Variants in UNC79 observed in about 807,000 individuals in gnomAD.
UNC79 encodes unc-79 subunit of NALCN channel complex.
A neutral mutation model predicts 283.1 loss-of-function variants in UNC79; 37 were observed. That is an observed-to-expected ratio of 0.13 (90% CI 0.10 to 0.17). The LOEUF (loss-of-function observed/expected upper bound fraction) is 0.17. UNC79 is among the 10% of genes least tolerant of loss of function. The pLI, the probability that UNC79 is intolerant of heterozygous loss-of-function variation, is 1.00. For missense variants in UNC79, 2,272 were observed against 3,211.1 expected (o/e 0.71, Z 7.07); for synonymous variants, 1,107 against 1,200.2 (o/e 0.92, Z 1.61).
intron 1 of UNC79, among the ~76,000 whole-genome samples, chr14:93,463,572 G>A (rs894316930): frequency 3.9e-5 from 6 of 152,158 alleles, no homozygotes; most frequent in Non-Finnish European, 7.3e-5. Flanking sequence ...TGGATGGAGA[G>A]CCCCAGTGAA....
At chr14:93,435,431 A>G (rs2056049312) in intron 1 of UNC79, among the ~76,000 whole-genome samples, 1 of 152,016 alleles carries the variant, frequency 6.6e-6, no homozygotes, top group Non-Finnish European at 1.5e-5. Flanking sequence ...TTCGCACAGG[A>G]ATCTGTCATT....
At chr14:93,489,051 C>T (rs2058596456) in intron 5 of UNC79, among the ~76,000 whole-genome samples, 1 of 152,208 alleles carries the variant, frequency 6.6e-6, no homozygotes, top group Non-Finnish European at 1.5e-5. Flanking sequence ...AAGCGATTCT[C>T]CTTCCTCAGC....
intron 1 of UNC79, among the ~76,000 whole-genome samples, chr14:93,416,080 T>C (rs1441751173): frequency 2.0e-5 from 3 of 147,568 alleles, no homozygotes; most frequent in Non-Finnish European, 4.5e-5. Context: ...ATGTGTTTGC[T>C]CTTGCTTTTC....
At chr14:93,388,197 G>A (rs2054816444) in intron 1 of UNC79, among the ~76,000 whole-genome samples, 1 of 151,984 alleles carries the variant, frequency 6.6e-6, no homozygotes, top group African/African-American at 2.4e-5. Context: ...TTACAGCCTG[G>A]AACTCTTGGG....
chr14:93,460,967 A>G (rs765339618), intron 1 of UNC79, among the ~76,000 whole-genome samples: 22 of 152,364 alleles, frequency 1.4e-4, no homozygotes, highest in Admixed American at 3.3e-4. Flanking sequence ...GGTAAAGTAA[A>G]TTACGATTCT....
chr14:93,496,736 AATTTT>A (rs2059032126), intron 6 of UNC79, among the ~76,000 whole-genome samples: 2 of 152,180 alleles, frequency 1.3e-5, no homozygotes, highest in African/African-American at 2.4e-5. Flanking sequence ...TATGACAAAC[AATTTT>A]ATTTAATTTG....
chr14:93,445,695 T>C (rs2056439739), intron 1 of UNC79, among the ~76,000 whole-genome samples: 1 of 152,188 alleles, frequency 6.6e-6, no homozygotes, highest in African/African-American at 2.4e-5. Flanking sequence ...AACGATTCCT[T>C]GATTTTTTGA....
At position 93,474,199 on chromosome 14, in the gene UNC79, C is replaced by T. The variant is rs1253177080; in HGVS notation, c.254C>T (p.Pro85Leu). Residue 85 changes from proline (P) to leucine (L), a missense_variant, in exon 3 of 49, where the codon CCG becomes CTG. By Grantham distance (98) the Pro-to-Leu change is moderately conservative (BLOSUM62 -3). Transcript: ENST00000555664. This position sits in a 1 kb window ranked among gnomAD's most constrained non-coding sequence, Gnocchi z 4.1. ...TTCCCACTCACCCCATCTCTAAGAC[C>T]GCAGGTCAGTTCCATCAACCCTACT... The T allele has an allele frequency of 5.2e-6, 8 of 1,535,948 alleles. No homozygotes were observed. The highest frequency in any genetic ancestry group is 4.9e-5 in the East Asian group (2 of 40,928).
chr14:93,348,162 T>C (rs1003634299), intron 1 of UNC79: 10 of 1,271,412 alleles, frequency 7.9e-6, no homozygotes, highest in South Asian at 6.1e-5. Context: ...CCAAAAAACT[T>C]TCAGAAAAAG....
At chr14:93,495,065 C>T (rs549909159) in intron 5 of UNC79, among the ~76,000 whole-genome samples, 2 of 152,196 alleles carry the variant, frequency 1.3e-5, no homozygotes, top group African/African-American at 2.4e-5. Context: ...CAGATTTTCT[C>T]TTCATTCTTA....
intron 30 of UNC79, among the ~76,000 whole-genome samples, chr14:93,626,486 GC>G (rs2067579667): frequency 6.6e-6 from 1 of 151,858 alleles, no homozygotes; most frequent in South Asian, 2.1e-4. Flanking sequence ...CTTGATTTGA[GC>G]CTGCAAACAT....
intron 5 of UNC79, among the ~76,000 whole-genome samples, chr14:93,493,112 G>T (rs1236219679): frequency 6.6e-6 from 1 of 152,202 alleles, no homozygotes; most frequent in African/African-American, 2.4e-5. Flanking sequence ...TTTTATTGAG[G>T]AAGTCAGGAG....
chr14:93,578,069 T>G lies in UNC79; in HGVS notation c.2433+6T>G. On this transcript the variant is annotated splice_donor_region_variant and intron_variant, in intron 18 of 48. Coordinates refer to ENST00000555664, the Ensembl canonical transcript of UNC79. Reference sequence around the variant, plus strand: ...TTGATCTTCTCCTGAAGCAGGTAGCTGAAGCATGAGCTTCCTTTAGTTCAG... The same window carrying G: ...TTGATCTTCTCCTGAAGCAGGTAGCGGAAGCATGAGCTTCCTTTAGTTCAG... 6.2e-7 allele frequency: 1 copy of G among 1,613,638 alleles called. No homozygotes were observed. Among genetic ancestry groups the G allele is most frequent in the Non-Finnish European group, 8.5e-7 (1 of 1,179,682 alleles).
At chr14:93,550,931 A>C (rs951408261) in intron 14 of UNC79, among the ~76,000 whole-genome samples, 3 of 152,198 alleles carry the variant, frequency 2.0e-5, no homozygotes, top group African/African-American at 7.2e-5. Flanking sequence ...ATAAGGCTTT[A>C]TTTTCAGGAC....
At chr14:93,392,891 G>T (rs1259689034) in intron 1 of UNC79, among the ~76,000 whole-genome samples, 1 of 152,214 alleles carries the variant, frequency 6.6e-6, no homozygotes, top group African/African-American at 2.4e-5. Context: ...TAGACCTCAG[G>T]ATTGATATAT....
At chr14:93,616,599 G>A (rs1275285352) in intron 27 of UNC79, among the ~76,000 whole-genome samples, 2 of 152,022 alleles carry the variant, frequency 1.3e-5, no homozygotes, top group Non-Finnish European at 2.9e-5. Flanking sequence ...TTGGGCTCAA[G>A]CAATCTATCT....
intron 7 of UNC79, among the ~76,000 whole-genome samples, chr14:93,506,285 C>T (rs1251500814): frequency 4.0e-5 from 6 of 151,234 alleles, no homozygotes; most frequent in African/African-American, 1.2e-4. Context: ...TGCAATGGCA[C>T]GATCTCAGCT....
chr14:93,671,531 CGGAGGCCGAGGCAGGT>C (rs1343328948), intron 40 of UNC79, among the ~76,000 whole-genome samples: 7 of 152,080 alleles, frequency 4.6e-5, no homozygotes, highest in African/African-American at 1.7e-4. Flanking sequence ...CCAGCACTTT[CGGAGGCCGAGGCAGGT>C]GGATCACCTG....
At chr14:93,571,918 T>C (rs987774730) in exon 15 of UNC79, 5 of 1,613,924 alleles carry the variant, frequency 3.1e-6, no homozygotes, top group Non-Finnish European at 4.2e-6. Flanking sequence ...GGATAAGTCC[T>C]GTAGCACAGT....
Sources: allele counts gnomAD v4.1 joint callset (sites outside exome capture counted in the v4.1 genomes callset), GRCh38; gene constraint gnomAD v4.1.1; non-coding constraint Gnocchi (gnomAD v3.1); transcripts MANE v1.5; gene names NCBI Gene and HGNC (gene_info 2026-07-23, HGNC 2026-07-21).